The following GLI2 variants were observed in gnomAD, a reference collection of about 807,000 sequenced individuals.
GLI2 encodes the protein transcription activator GLI2.
A neutral mutation model predicts 78.9 loss-of-function variants in GLI2; 22 were observed. The ratio of observed to expected loss-of-function variants is 0.28; its 90% CI spans 0.20 to 0.40. GLI2 has a LOEUF of 0.40. Ranked by LOEUF, GLI2 falls within the 10% of genes least tolerant of loss-of-function variation. The pLI is 1.00. For synonymous variants in GLI2, 974 were observed against 963.7 expected, an observed-to-expected ratio of 1.01 and a Z score of -0.20; for missense variants, 2,097 against 2,213.2, an observed-to-expected ratio of 0.95 and a Z score of 1.05.
At chr2:120,987,573 C>T (rs957972313) in intron 13 of GLI2, among the ~76,000 whole-genome samples, 1 of 152,204 alleles carries the variant, frequency 6.6e-6, no homozygotes, top group African/African-American at 2.4e-5. Flanking sequence ...ACTCTTGCAG[C>T]CTGTCTTTCC....
chr2:120,828,937 G>A (rs551850558), intron 2 of GLI2, among the ~76,000 whole-genome samples: 8 of 145,996 alleles, frequency 5.5e-5, no homozygotes, highest in South Asian at 2.3e-4. Flanking sequence ...GCCCCACCAC[G>A]CTGAAGCTAG....
rs1325681398 is a variant in GLI2, at chr2:120,959,586, C to T, written c.643+4156C>T. Among the ~76,000 whole-genome samples, 4 of 152,204 alleles carry T rather than the reference C, an allele frequency of 2.6e-5. No homozygotes were observed. The South Asian group carries it at 8.3e-4, about 31-fold the overall frequency. ...CACTTAGCTCCGAGGCCTGTGTGGACGGTTACTCACGTATGTCTCTAAGAG... is the reference window on the plus strand; with the variant it reads ...CACTTAGCTCCGAGGCCTGTGTGGATGGTTACTCACGTATGTCTCTAAGAG... On this transcript the variant is annotated intron_variant, in intron 5 of 13. Coordinates refer to ENST00000361492, the MANE Select transcript of GLI2 (RefSeq NM_001374353.1).
intron 2 of GLI2, among the ~76,000 whole-genome samples, chr2:120,818,435 G>T (rs1387377630): frequency 6.6e-6 from 1 of 152,240 alleles, no homozygotes; most frequent in African/African-American, 2.4e-5. Context: ...GCCTAGTCTG[G>T]GTGCATTTAG....
At chr2:120,784,096 C>T (rs1417453509) in intron 1 of GLI2, among the ~76,000 whole-genome samples, 1 of 152,234 alleles carries the variant, frequency 6.6e-6, no homozygotes, top group Non-Finnish European at 1.5e-5. Flanking sequence ...CAGGAGACAG[C>T]TGACTTTAGA....
rs189889494 is a variant in GLI2 at position 120,875,446 on chromosome 2, C to T, written c.149-51915C>T. Among the ~76,000 whole-genome samples the T allele has an allele frequency of 1.2e-4, 19 of 152,314 alleles. No homozygotes were observed. In the East Asian group the frequency reaches 1.9e-3, roughly 15 times the overall value. On this transcript the variant is annotated intron_variant, in intron 2 of 13. Coordinates refer to ENST00000361492, the MANE Select transcript of GLI2 (RefSeq NM_001374353.1). ...TGGGGAAGGAGCAAAGTCCTTTCTC[C>T]GTGGGGAAATGGCCCTTGAGGCTAG...
intron 8 of GLI2, 33 bp downstream of exon 8, chr2:120,972,096 A>T (rs776968724): frequency 1.2e-6 from 2 of 1,611,652 alleles, no homozygotes; most frequent in Non-Finnish European, 1.7e-6. Context: ...ACCTTCCTCC[A>T]GCTAGGACCA....
chr2:120,890,761 CGT>C lies in GLI2; in HGVS notation c.149-36598_149-36597del, dbSNP rs1677641939. Among the ~76,000 whole-genome samples the C allele has an allele frequency of 2.6e-5, 4 of 152,298 alleles. No homozygotes were observed. The South Asian group carries it at 8.3e-4, about 32-fold the overall frequency. ...CTAGCTTGTCCTCAAGTAAGCAAGC[CGT>C]GCTGTTTCCCAAGGGGCTGGGCCTC... On this transcript the variant is annotated intron_variant, in intron 2 of 13. Transcript: ENST00000361492.
At chr2:120,948,843 C>T (rs1204026320) in intron 3 of GLI2, among the ~76,000 whole-genome samples, 2 of 152,196 alleles carry the variant, frequency 1.3e-5, no homozygotes, top group African/African-American at 2.4e-5. Context: ...TGACCTCAAA[C>T]CCTGGCCGGC....
At chr2:120,762,986 G>T (rs1683258393) in intron 1 of GLI2, among the ~76,000 whole-genome samples, 1 of 152,244 alleles carries the variant, frequency 6.6e-6, no homozygotes, top group Non-Finnish European at 1.5e-5. Flanking sequence ...GCAGGATGAA[G>T]AGAAGGACAG....
intron 5 of GLI2, among the ~76,000 whole-genome samples, chr2:120,967,952 C>T (rs76282977): frequency 0.036 from 5,471 of 152,250 alleles, 120 homozygotes; most frequent in Middle Eastern, 0.055. Flanking sequence ...GTCTGGGGGC[C>T]GCCATCCAGG....
At chr2:120,977,552 G>T (rs549136347) in intron 9 of GLI2, among the ~76,000 whole-genome samples, 1 of 152,190 alleles carries the variant, frequency 6.6e-6, no homozygotes, top group Non-Finnish European at 1.5e-5. Context: ...GTTGTGGGAG[G>T]GGGGCTGGGA....
intron 3 of GLI2, among the ~76,000 whole-genome samples, chr2:120,934,149 G>A (rs947885064): frequency 9.9e-5 from 15 of 152,278 alleles, no homozygotes; most frequent in Middle Eastern, 3.4e-3. Flanking sequence ...CTTGACGTCC[G>A]GGAAAGCAGC....
chr2:120,788,879 A>G (rs1684068994), intron 1 of GLI2, among the ~76,000 whole-genome samples: 1 of 152,120 alleles, frequency 6.6e-6, no homozygotes, highest in African/African-American at 2.4e-5. Context: ...GACAGCAGGC[A>G]CAGGCTGGCC....
chr2:120,824,913 G>C (rs562678910), intron 2 of GLI2, among the ~76,000 whole-genome samples: 91 of 152,284 alleles, frequency 6.0e-4, no homozygotes, highest in African/African-American at 2.0e-3. Context: ...GTGGCCCACT[G>C]TAGCCTCGAC....
intron 3 of GLI2, among the ~76,000 whole-genome samples, chr2:120,934,835 T>C (rs1272610117): frequency 6.6e-6 from 1 of 152,088 alleles, no homozygotes; most frequent in Non-Finnish European, 1.5e-5. Flanking sequence ...TCATGAACTT[T>C]CCAGTCTGGG....
intron 2 of GLI2, among the ~76,000 whole-genome samples, chr2:120,912,678 G>C (rs184927033): frequency 6.6e-6 from 1 of 152,182 alleles, no homozygotes; most frequent in Non-Finnish European, 1.5e-5. Context: ...GTTTCTCCAC[G>C]GTCCTGCCGC....
intron 1 of GLI2, among the ~76,000 whole-genome samples, chr2:120,794,005 C>CTGCTGTGT (rs1420039167): frequency 5.3e-5 from 8 of 152,212 alleles, no homozygotes; most frequent in Admixed American, 3.3e-4. Context: ...GAAGCCGCAG[C>CTGCTGTGT]TGCTGTGTTT....
At chr2:120,853,857 G>T (rs1687521021) in intron 2 of GLI2, among the ~76,000 whole-genome samples, 1 of 152,088 alleles carries the variant, frequency 6.6e-6, no homozygotes, top group Non-Finnish European at 1.5e-5. Context: ...GGCTAGGGTG[G>T]GTCTAGGGGA....
At position 120,915,019 on chromosome 2, in the gene GLI2, C is replaced by T. The variant is rs369384805; in HGVS notation, c.149-12342C>T. On this transcript the variant is annotated intron_variant, in intron 2 of 13. Coordinates refer to ENST00000361492, the MANE Select transcript of GLI2 (RefSeq NM_001374353.1). ...CCCGAGCGGCCAGACCCAAATGGCA[C>T]GGGGCTGGCCTCTCCCGTGGCGTTG... Among the ~76,000 whole-genome samples, 31 of 152,302 alleles carry T rather than the reference C, an allele frequency of 2.0e-4. No individual in the cohort carries two copies. In the East Asian group the frequency reaches 6.0e-3, roughly 29 times the overall value.
Sources: gnomAD v4.1 joint callset for allele counts (sites outside exome capture counted in the v4.1 genomes callset) on GRCh38, gnomAD v4.1.1 for gene constraint, MANE v1.5 for transcripts, NCBI Gene and HGNC (gene_info 2026-07-23, HGNC 2026-07-21) for gene names.